The following ADGRL3 variants were observed in gnomAD, a reference collection of about 807,000 sequenced individuals.
ADGRL3 encodes calcium-independent alpha-latrotoxin receptor 3.
Under a neutral mutation model 153.5 loss-of-function variants are expected in ADGRL3, and 62 were observed. The observed-to-expected ratio is 0.40, with a 90% CI of 0.33 to 0.50. The LOEUF (loss-of-function observed/expected upper bound fraction) is 0.50, where lower values mean the gene tolerates loss of function less well. Ranked by LOEUF, ADGRL3 falls within the 20% of genes least tolerant of loss-of-function variation. ADGRL3 has a pLI of 0.47. For synonymous variants in ADGRL3, 710 were observed against 672.5 expected (o/e 1.06, Z -0.86); for missense variants, 1,641 against 1,859.4 (o/e 0.88, Z 2.16).
chr4:61,928,278 A>G (rs1268525549), intron 13 of ADGRL3, among the ~76,000 whole-genome samples: 1 of 151,952 alleles, frequency 6.6e-6, no homozygotes, highest in Non-Finnish European at 1.5e-5. Context: ...TGCTTTTTTT[A>G]TTTTACCATC....
chr4:61,702,324 T>A lies in ADGRL3; in HGVS notation c.583+25389T>A, dbSNP rs138692577. On this transcript the variant is annotated intron_variant, in intron 6 of 26. Coordinates refer to ENST00000683033, the MANE Select transcript of ADGRL3 (RefSeq NM_001387552.1). ...TCCAAGGCACTATGCATTGTCTCTT[T>A]TGACAGCATGATCAGAAGTCTTATT... Among the ~76,000 whole-genome samples the A allele has an allele frequency of 8.9e-4, 136 of 152,340 alleles. 2 individuals carry two copies. The highest frequency in any genetic ancestry group is 3.2e-3 in the African/African-American group (133 of 41,596).
intron 6 of ADGRL3, among the ~76,000 whole-genome samples, chr4:61,684,367 T>G (rs757726755): frequency 4.6e-5 from 7 of 152,084 alleles, no homozygotes; most frequent in Non-Finnish European, 8.8e-5. Context: ...TCTGAAAAAG[T>G]AAGAGTCAGT....
chr4:61,277,491 C>CT (rs2093521575), intron 1 of ADGRL3, among the ~76,000 whole-genome samples: 2 of 151,946 alleles, frequency 1.3e-5, no homozygotes, highest in South Asian at 2.1e-4. Flanking sequence ...TTTAAATACT[C>CT]TTTTTTTGGT....
At chr4:61,633,036 C>A (rs2093256577) in intron 5 of ADGRL3, among the ~76,000 whole-genome samples, 1 of 152,144 alleles carries the variant, frequency 6.6e-6, no homozygotes. Context: ...TTGGTCCTTG[C>A]AGAACCCTGT....
intron 9 of ADGRL3, among the ~76,000 whole-genome samples, chr4:61,852,471 T>C (rs536174194): frequency 4.5e-4 from 69 of 152,110 alleles, no homozygotes; most frequent in African/African-American, 1.6e-3. Context: ...TGTGCCACCA[T>C]GCCTAGCTAA....
intron 11 of ADGRL3, among the ~76,000 whole-genome samples, chr4:61,909,299 T>C (rs1221711206): frequency 6.6e-6 from 1 of 152,054 alleles, no homozygotes; most frequent in Non-Finnish European, 1.5e-5. Flanking sequence ...ACGACCCAAA[T>C]AGATAATTAA....
chr4:61,827,875 A>C (rs527385656), intron 9 of ADGRL3, among the ~76,000 whole-genome samples: 36 of 149,282 alleles, frequency 2.4e-4, no homozygotes, highest in Non-Finnish European at 4.9e-4. Context: ...ATGACTGCAA[A>C]GTGGTTCCTT....
At chr4:61,989,040 C>T (rs1419950749) in intron 19 of ADGRL3, among the ~76,000 whole-genome samples, 1 of 152,026 alleles carries the variant, frequency 6.6e-6, no homozygotes, top group African/African-American at 2.4e-5. Flanking sequence ...GGTACTTTCT[C>T]CTCTGTTAAT....
intron 9 of ADGRL3, among the ~76,000 whole-genome samples, chr4:61,841,388 C>T (rs1189161389): frequency 1.3e-5 from 2 of 152,104 alleles, no homozygotes; most frequent in Non-Finnish European, 2.9e-5. Context: ...AGGTGATGTT[C>T]AAGTCCAAAT....
At chr4:61,228,245 TTTC>T (rs972253029) in intron 1 of ADGRL3, among the ~76,000 whole-genome samples, 3 of 152,230 alleles carry the variant, frequency 2.0e-5, no homozygotes, top group African/African-American at 7.2e-5. Context: ...ATGATGTCCT[TTTC>T]TTCTTATTCT....
intron 1 of ADGRL3, among the ~76,000 whole-genome samples, chr4:61,209,811 G>A (rs1355393921): frequency 6.6e-6 from 1 of 152,100 alleles, no homozygotes; most frequent in Non-Finnish European, 1.5e-5. Flanking sequence ...TAAATTAAAT[G>A]CCCTATTATC....
chr4:61,416,304 A>G (rs1220783161), intron 2 of ADGRL3, among the ~76,000 whole-genome samples: 1 of 152,056 alleles, frequency 6.6e-6, no homozygotes, highest in Non-Finnish European at 1.5e-5. Flanking sequence ...AACTGTGAGT[A>G]TTTTAATATT....
chr4:61,482,560 A>G (rs1449314657), intron 2 of ADGRL3, among the ~76,000 whole-genome samples: 2 of 152,210 alleles, frequency 1.3e-5, no homozygotes, highest in Non-Finnish European at 2.9e-5. Context: ...AAGACTGAAC[A>G]AAGAAATGAT....
chr4:61,614,526 C>T (rs2091773732), intron 5 of ADGRL3, among the ~76,000 whole-genome samples: 1 of 152,092 alleles, frequency 6.6e-6, no homozygotes, highest in Admixed American at 6.6e-5. Context: ...CAACAAGCCA[C>T]ACTAGATTTA....
In ADGRL3 at chr4:61,811,419, AG is replaced by A. The variant is rs1229794522; in HGVS notation, c.1400-2389del. On this transcript the variant is annotated intron_variant, in intron 8 of 26. Transcript: ENST00000683033. Reference sequence around the variant, plus strand: ...ATTTTATAATTTCATTTATAGGAAAAGTCCAGAATAGGCAAATCTACAGAAA... The same window carrying A: ...ATTTTATAATTTCATTTATAGGAAAATCCAGAATAGGCAAATCTACAGAAA... Among the ~76,000 whole-genome samples the A allele has an allele frequency of 5.9e-5, 9 of 152,216 alleles. No homozygotes were observed. In the South Asian group the frequency reaches 1.7e-3, roughly 28 times the overall value.
chr4:61,372,788 C>A (rs1420871044), intron 1 of ADGRL3, among the ~76,000 whole-genome samples: 1 of 152,186 alleles, frequency 6.6e-6, no homozygotes, highest in Non-Finnish European at 1.5e-5. Flanking sequence ...CTTTGTTTAC[C>A]TAAGCAAGCC....
chr4:61,599,245 T>C (rs1235510440), intron 5 of ADGRL3, among the ~76,000 whole-genome samples: 1 of 152,236 alleles, frequency 6.6e-6, no homozygotes, highest in Non-Finnish European at 1.5e-5. Context: ...AGATTCTTCT[T>C]GGCCTCTCAG....
intron 2 of ADGRL3, among the ~76,000 whole-genome samples, chr4:61,469,871 C>A (rs1057113797): frequency 1.7e-4 from 25 of 151,442 alleles, no homozygotes; most frequent in African/African-American, 6.1e-4. Flanking sequence ...TCAAAGAAGA[C>A]AATATGTTTA....
chr4:61,382,130 C>T (rs549591578), intron 1 of ADGRL3, among the ~76,000 whole-genome samples: 1 of 151,830 alleles, frequency 6.6e-6, no homozygotes, highest in Non-Finnish European at 1.5e-5. Context: ...CCCTGTATCT[C>T]ATTCTTTATC....
Sources: allele counts gnomAD v4.1 joint callset (sites outside exome capture counted in the v4.1 genomes callset), GRCh38; gene constraint gnomAD v4.1.1; transcripts MANE v1.5; gene names NCBI Gene and HGNC (gene_info 2026-07-23, HGNC 2026-07-21).